AK5: variants seen among roughly 807,000 people sequenced by gnomAD.
AK5 encodes the protein adenylate kinase 5.
Under a neutral mutation model 69.5 loss-of-function variants are expected in AK5, and 27 were observed. The ratio of observed to expected loss-of-function variants is 0.39; its 90% confidence interval spans 0.29 to 0.54. The LOEUF (loss-of-function observed/expected upper bound fraction) is 0.54. Ranked by LOEUF, AK5 falls within the 20% of genes least tolerant of loss-of-function variation. The probability of loss-of-function intolerance (pLI) is 0.71; values close to 1 mark genes in which losing one functional copy is unlikely to be tolerated. For synonymous variants in AK5, 260 were observed against 244.4 expected (o/e 1.06, Z -0.60); for missense variants, 531 against 700.4 (o/e 0.76, Z 2.73).
chr1:77,360,629 G>A (rs1265520676), intron 6 of AK5, among the ~76,000 whole-genome samples: 2 of 151,940 alleles, frequency 1.3e-5, no homozygotes, highest in African/African-American at 4.8e-5. Flanking sequence ...AGTTTTTGGT[G>A]TGTTTGTGTG....
At chr1:77,543,885 A>G (rs184575171) in intron 13 of AK5, among the ~76,000 whole-genome samples, 1 of 152,282 alleles carries the variant, frequency 6.6e-6, no homozygotes, top group African/African-American at 2.4e-5. Context: ...AACTTTGGAT[A>G]CAGAGAGTAG....
At chr1:77,361,983 C>T (rs1646873469) in intron 6 of AK5, among the ~76,000 whole-genome samples, 1 of 152,062 alleles carries the variant, frequency 6.6e-6, no homozygotes, top group East Asian at 1.9e-4. Flanking sequence ...GGTAACTTAC[C>T]ATGACTGTGC....
At chr1:77,291,268 A>C (rs1216476098) in intron 2 of AK5, among the ~76,000 whole-genome samples, 1 of 151,990 alleles carries the variant, frequency 6.6e-6, no homozygotes, top group African/African-American at 2.4e-5. Context: ...ACCTCCTTTC[A>C]TTTCTCATAT....
At chr1:77,537,102 G>A (rs368085278) in intron 13 of AK5, among the ~76,000 whole-genome samples, 13 of 152,196 alleles carry the variant, frequency 8.5e-5, no homozygotes, top group East Asian at 7.7e-4. Context: ...AGAGACAAAC[G>A]TGTGATCACA....
At chr1:77,302,014 C>A (rs1253468540) in intron 5 of AK5, among the ~76,000 whole-genome samples, 1 of 151,514 alleles carries the variant, frequency 6.6e-6, no homozygotes, top group East Asian at 1.9e-4. Flanking sequence ...AGTGCAGGGG[C>A]ACCACTGTAG....
chr1:77,499,869 CATT>C lies in AK5; in HGVS notation c.1147+13518_1147+13520del, dbSNP rs1199740709. On this transcript the variant is annotated intron_variant, in intron 10 of 13. Coordinates refer to ENST00000354567, the MANE Select transcript of AK5 (RefSeq NM_174858.3). ...GATGACAGAGACCATGCCCTTTTTC[CATT>C]TTTTTTTTTTTTTTTTTTTTTTTTT... is the stretch of plus-strand genomic sequence containing the variant. Among the ~76,000 whole-genome samples, 140 of 78,756 alleles carry C rather than the reference CATT, an allele frequency of 1.8e-3. 22 individuals carry two copies. The highest frequency in any genetic ancestry group is 5.8e-3 in the African/African-American group (129 of 22,064). The allele number at this position is 78,756 out of a possible 152,430, so 51.7% of individuals were successfully genotyped here. A position where few individuals can be genotyped will look rare whatever the true frequency, so the allele number is the denominator to read the frequency against.
intron 5 of AK5, among the ~76,000 whole-genome samples, chr1:77,318,633 G>T (rs1236737661): frequency 1.3e-5 from 2 of 151,994 alleles, no homozygotes; most frequent in African/African-American, 4.8e-5. Context: ...AATCCGATTT[G>T]AGCAGGACCC....
At chr1:77,390,112 G>T (rs2100522755) in intron 6 of AK5, among the ~76,000 whole-genome samples, 1 of 152,330 alleles carries the variant, frequency 6.6e-6, no homozygotes, top group East Asian at 1.9e-4. Context: ...GTGATTTGGT[G>T]AAGGATCACC....
intron 8 of AK5, among the ~76,000 whole-genome samples, chr1:77,482,736 G>A (rs944752594): frequency 2.3e-4 from 35 of 149,774 alleles, no homozygotes; most frequent in African/African-American, 6.2e-4. Context: ...GCACCACTGC[G>A]CTCCAGCCTG....
chr1:77,354,730 T>C (rs1202507814), intron 6 of AK5, among the ~76,000 whole-genome samples: 3 of 152,188 alleles, frequency 2.0e-5, no homozygotes, highest in African/African-American at 4.8e-5. Context: ...TCTCTAACCA[T>C]TGCCAATTCA....
intron 6 of AK5, among the ~76,000 whole-genome samples, chr1:77,374,394 C>G (rs1647185274): frequency 6.7e-6 from 1 of 149,234 alleles, no homozygotes; most frequent in South Asian, 2.1e-4. Context: ...TCAGTTCAGT[C>G]CTTTTATGCC....
chr1:77,530,748 G>T (rs1658528499), intron 12 of AK5, among the ~76,000 whole-genome samples: 1 of 152,130 alleles, frequency 6.6e-6, no homozygotes, highest in Non-Finnish European at 1.5e-5. Context: ...CATACACCAA[G>T]AATAAGATAG....
intron 6 of AK5, 39 bp downstream of exon 6, chr1:77,340,607 G>A (rs766943112): frequency 4.4e-5 from 69 of 1,575,872 alleles, no homozygotes; most frequent in South Asian, 1.8e-4. Flanking sequence ...ATACAAGAGC[G>A]CTCTTTCAGA....
chr1:77,430,885 A>G, intron 8 of AK5, among the ~76,000 whole-genome samples: 1 of 152,224 alleles, frequency 6.6e-6, no homozygotes, highest in Admixed American at 6.5e-5. Flanking sequence ...AAGTGAAGAC[A>G]CTTAAGCATG....
At chr1:77,298,131 C>A in intron 5 of AK5, 184 bp downstream of exon 5, 1 of 450,864 alleles carries the variant, frequency 2.2e-6, no homozygotes. Context: ...AAATTAAAGA[C>A]AGTCTCTGCC....
intron 10 of AK5, among the ~76,000 whole-genome samples, chr1:77,505,216 A>G (rs922868774): frequency 6.6e-6 from 1 of 152,232 alleles, no homozygotes; most frequent in Non-Finnish European, 1.5e-5. Flanking sequence ...ACTGTGCACA[A>G]ATAGACTGCA....
At chr1:77,418,597 C>G (rs1369963768) in intron 8 of AK5, among the ~76,000 whole-genome samples, 1 of 152,130 alleles carries the variant, frequency 6.6e-6, no homozygotes, top group Non-Finnish European at 1.5e-5. Context: ...TTTAATGAAC[C>G]AAAATAGTTG....
intron 10 of AK5, among the ~76,000 whole-genome samples, chr1:77,511,033 T>A (rs1442739683): frequency 6.6e-6 from 1 of 150,552 alleles, no homozygotes; most frequent in Admixed American, 6.6e-5. Context: ...CATATTTATA[T>A]TTTACGGGGC....
intron 8 of AK5, among the ~76,000 whole-genome samples, chr1:77,428,928 T>C (rs892916493): frequency 2.6e-5 from 4 of 152,334 alleles, no homozygotes; most frequent in East Asian, 1.9e-4. Context: ...ACAAAGGACA[T>C]GAACTCATCA....
Sources: gnomAD v4.1 joint callset for allele counts (sites outside exome capture counted in the v4.1 genomes callset) on GRCh38, gnomAD v4.1.1 for gene constraint, MANE v1.5 for transcripts, NCBI Gene and HGNC (gene_info 2026-07-23, HGNC 2026-07-21) for gene names.